The following NAALADL2 variants were observed in gnomAD, a reference collection of about 807,000 sequenced individuals.
NAALADL2 encodes the protein N-acetylated alpha-linked acidic dipeptidase like 2, also known as inactive N-acetylated-alpha-linked acidic dipeptidase-like protein 2.
In NAALADL2, 76 loss-of-function variants were observed where a neutral mutation model predicts 87.2. The observed-to-expected ratio is 0.87, with a 90% CI of 0.72 to 1.05. NAALADL2 has a LOEUF of 1.05. Among genes scored for constraint, NAALADL2 ranks in the 50% least tolerant of loss-of-function variants. The pLI is 0.00. For synonymous variants in NAALADL2, 354 were observed against 331.0 expected, an observed-to-expected ratio of 1.07 and a Z score of -0.75; for missense variants, 1,089 against 945.8, an observed-to-expected ratio of 1.15 and a Z score of -1.99.
chr3:175,178,822 T>C (rs1261713836), intron 2 of NAALADL2, among the ~76,000 whole-genome samples: 4 of 149,452 alleles, frequency 2.7e-5, no homozygotes, highest in African/African-American at 5.0e-5. Flanking sequence ...GAGATAGAAA[T>C]GTTTTAGAAT....
intron 7 of NAALADL2, 143 bp from the exon 8 acceptor site, chr3:175,466,836 C>A (rs1724109412): frequency 1.5e-6 from 1 of 682,974 alleles, no homozygotes; most frequent in Non-Finnish European, 2.5e-6. Flanking sequence ...AGACAGTGAG[C>A]AAAAAAATTA....
At chr3:174,733,543 A>AT (rs1428053049) in intron 2 of NAALADL2, among the ~76,000 whole-genome samples, 1 of 152,210 alleles carries the variant, frequency 6.6e-6, no homozygotes, top group East Asian at 1.9e-4. Flanking sequence ...GTGGCTTAGC[A>AT]TTTCTTGTGA....
chr3:174,880,922 G>T (rs1200522202), intron 1 of NAALADL2, among the ~76,000 whole-genome samples: 2 of 150,822 alleles, frequency 1.3e-5, no homozygotes. Flanking sequence ...GTGGCTGATG[G>T]CAATCCTTGG....
At chr3:174,999,093 G>A (rs531487327) in intron 1 of NAALADL2, among the ~76,000 whole-genome samples, 2 of 152,076 alleles carry the variant, frequency 1.3e-5, no homozygotes, top group East Asian at 3.9e-4. Flanking sequence ...ATTTACTACT[G>A]GTTTTCCAGT....
At chr3:175,228,552 A>G (rs1744494524) in intron 2 of NAALADL2, among the ~76,000 whole-genome samples, 1 of 151,948 alleles carries the variant, frequency 6.6e-6, no homozygotes, top group Non-Finnish European at 1.5e-5. Context: ...GAAACCAGAA[A>G]CCTAGAAATT....
chr3:175,230,971 A>G (rs550118926), intron 2 of NAALADL2, among the ~76,000 whole-genome samples: 1 of 152,168 alleles, frequency 6.6e-6, no homozygotes, highest in African/African-American at 2.4e-5. Flanking sequence ...CCAGTGCAGC[A>G]TTGTTTACAA....
intron 2 of NAALADL2, among the ~76,000 whole-genome samples, chr3:174,563,976 A>C (rs1298797801): frequency 6.6e-6 from 1 of 152,140 alleles, no homozygotes; most frequent in Non-Finnish European, 1.5e-5. Context: ...ATAAGCACTG[A>C]ACACTAGGGT....
At chr3:175,413,116 C>T (rs1438050925) in intron 5 of NAALADL2, among the ~76,000 whole-genome samples, 1 of 143,330 alleles carries the variant, frequency 7.0e-6, no homozygotes, top group African/African-American at 2.6e-5. Flanking sequence ...GCCTCAATCT[C>T]CTGACCTCGT....
chr3:174,545,107 G>A (rs1722613204), intron 1 of NAALADL2, among the ~76,000 whole-genome samples: 1 of 152,008 alleles, frequency 6.6e-6, no homozygotes, highest in African/African-American at 2.4e-5. Context: ...TTGAAATCCT[G>A]GGCTCAAATG....
chr3:174,999,681 G>A (rs1032567336), intron 1 of NAALADL2, among the ~76,000 whole-genome samples: 1 of 152,198 alleles, frequency 6.6e-6, no homozygotes, highest in Non-Finnish European at 1.5e-5. Flanking sequence ...TACCTGATAA[G>A]TAGTTGCAGT....
chr3:174,797,038 A>G (rs1446186776), intron 3 of NAALADL2, among the ~76,000 whole-genome samples: 1 of 152,084 alleles, frequency 6.6e-6, no homozygotes, highest in Non-Finnish European at 1.5e-5. Context: ...GCCAAGAGCA[A>G]TCTCCAGAAG....
intron 5 of NAALADL2, among the ~76,000 whole-genome samples, chr3:175,418,909 A>G (rs780644063): frequency 6.6e-6 from 1 of 152,072 alleles, no homozygotes; most frequent in Non-Finnish European, 1.5e-5. Flanking sequence ...TGAACAGTCG[A>G]GAGCAACGGC....
chr3:174,836,935 T>C (rs1278115581), intron 3 of NAALADL2, among the ~76,000 whole-genome samples: 1 of 151,976 alleles, frequency 6.6e-6, no homozygotes, highest in Non-Finnish European at 1.5e-5. Flanking sequence ...CAAATATGTA[T>C]TACATAAGAT....
At chr3:175,802,658 T>A (rs1401208850) in intron 13 of NAALADL2, among the ~76,000 whole-genome samples, 1 of 152,074 alleles carries the variant, frequency 6.6e-6, no homozygotes, top group Non-Finnish European at 1.5e-5. Context: ...TAATTTATTT[T>A]TTTCTGTTTC....
intron 2 of NAALADL2, among the ~76,000 whole-genome samples, chr3:174,558,017 G>A (rs1713077442): frequency 6.6e-6 from 1 of 152,268 alleles, no homozygotes; most frequent in South Asian, 2.1e-4. Context: ...GGCACCCTCT[G>A]CCTGGCATGT....
Position 174,838,194 on chromosome 3 carries a change from C to G in NAALADL2, c.-9+100448C>G, listed in dbSNP as rs529384275. ...GGATGCAGGGATGGTTTAACATATG[C>G]AAGTCAATAAATGTGATACACCACA... On this transcript the variant is annotated intron_variant, in intron 3 of 3. Coordinates refer to the NAALADL2 transcript ENST00000434257. Among the ~76,000 whole-genome samples, 558 of 152,114 alleles carry G rather than the reference C, an allele frequency of 3.7e-3. 6 individuals carry two copies. The highest frequency in any genetic ancestry group is 0.013 in the African/African-American group (537 of 41,500).
chr3:175,348,046 G>T (rs191164198), intron 5 of NAALADL2, among the ~76,000 whole-genome samples: 270 of 152,044 alleles, frequency 1.8e-3, no homozygotes, highest in Non-Finnish European at 1.2e-3. Context: ...AAAAGGTTAG[G>T]TTTCTTTTGT....
At chr3:175,627,203 C>A in intron 10 of NAALADL2, 88 bp from the exon 11 acceptor site, 1 of 1,079,534 alleles carries the variant, frequency 9.3e-7, no homozygotes, top group South Asian at 1.5e-5. Context: ...ATTTAGAGTC[C>A]TTTTTAATCT....
intron 5 of NAALADL2, among the ~76,000 whole-genome samples, chr3:175,344,570 A>T (rs1159014420): frequency 1.3e-5 from 2 of 151,940 alleles, no homozygotes; most frequent in African/African-American, 2.4e-5. Context: ...TTCATGTTTA[A>T]GTGTTTTTAT....
Sources: gnomAD v4.1 joint callset for allele counts (sites outside exome capture counted in the v4.1 genomes callset) on GRCh38, gnomAD v4.1.1 for gene constraint, MANE v1.5 for transcripts, NCBI Gene and HGNC (gene_info 2026-07-23, HGNC 2026-07-21) for gene names.